Variants in RABGAP1L observed in about 807,000 individuals in gnomAD.
The protein encoded by RABGAP1L is rab GTPase-activating protein 1-like.
A neutral mutation model predicts 137.7 loss-of-function variants in RABGAP1L; 63 were observed. That is an observed-to-expected ratio of 0.46 (90% CI 0.37 to 0.56). The LOEUF (loss-of-function observed/expected upper bound fraction) is 0.56. Among genes scored for constraint, RABGAP1L ranks in the 20% least tolerant of loss-of-function variants. The probability of loss-of-function intolerance (pLI) is 0.00; values close to 1 mark genes in which losing one functional copy is unlikely to be tolerated. For missense variants in RABGAP1L, 1,095 were observed against 1,244.0 expected (o/e 0.88, Z 1.80); for synonymous variants, 431 against 433.7 (o/e 0.99, Z 0.08).
chr1:174,268,712 AAG>A (rs1420365925), intron 7 of RABGAP1L, among the ~76,000 whole-genome samples: 1 of 152,132 alleles, frequency 6.6e-6, no homozygotes, highest in Non-Finnish European at 1.5e-5. Context: ...TCCTGCAGTT[AAG>A]TCTAAAGCCG....
intron 13 of RABGAP1L, among the ~76,000 whole-genome samples, chr1:174,578,383 AC>A (rs1668519429): frequency 1.3e-5 from 2 of 152,066 alleles, no homozygotes; most frequent in Admixed American, 1.3e-4. Flanking sequence ...AGGAGATCTC[AC>A]TATTTTGCCC....
intron 13 of RABGAP1L, among the ~76,000 whole-genome samples, chr1:174,542,470 T>C (rs1665554937): frequency 2.6e-5 from 4 of 152,206 alleles, no homozygotes; most frequent in Admixed American, 2.0e-4. Context: ...TGCATCTATT[T>C]GATTCTTCTC....
chr1:174,388,598 G>A (rs1348455783), intron 12 of RABGAP1L, among the ~76,000 whole-genome samples: 3 of 151,968 alleles, frequency 2.0e-5, no homozygotes, highest in East Asian at 3.8e-4. Flanking sequence ...GAATGGTAAT[G>A]CTGATGATTT....
At chr1:174,558,861 G>A (rs1232612698) in intron 13 of RABGAP1L, among the ~76,000 whole-genome samples, 1 of 152,118 alleles carries the variant, frequency 6.6e-6, no homozygotes, top group African/African-American at 2.4e-5. Context: ...CAGTCATTAT[G>A]AATCTTGCAT....
chr1:174,957,432 C>A, intron 19 of RABGAP1L, 25 bp from the exon 20 acceptor site: 1 of 1,570,814 alleles, frequency 6.4e-7, no homozygotes, highest in Non-Finnish European at 8.8e-7. Flanking sequence ...CCTTGTCTAA[C>A]ATGGTTTTCC....
intron 19 of RABGAP1L, among the ~76,000 whole-genome samples, chr1:174,937,062 C>T (rs1373793210): frequency 1.4e-5 from 2 of 144,818 alleles, no homozygotes; most frequent in Non-Finnish European, 3.0e-5. Flanking sequence ...TCACTGCAAC[C>T]TCCACCTCTG....
chr1:174,886,850 T>C (rs1430844185), intron 19 of RABGAP1L, among the ~76,000 whole-genome samples: 5 of 152,012 alleles, frequency 3.3e-5, no homozygotes, highest in Non-Finnish European at 7.4e-5. Context: ...GGTCTCATTC[T>C]GTCTGGCGTG....
At chr1:174,985,996 T>C (rs545164205) in intron 24 of RABGAP1L, among the ~76,000 whole-genome samples, 5 of 152,078 alleles carry the variant, frequency 3.3e-5, no homozygotes, top group African/African-American at 4.8e-5. Flanking sequence ...TGGAGTGCAA[T>C]GGCACAATCT....
chr1:174,610,869 G>C (rs1671179272), intron 13 of RABGAP1L, among the ~76,000 whole-genome samples: 1 of 152,086 alleles, frequency 6.6e-6, no homozygotes, highest in South Asian at 2.1e-4. Flanking sequence ...AGAAGTGTCT[G>C]TTCATGTCCT....
At chr1:174,890,400 A>G (rs998166606) in intron 19 of RABGAP1L, among the ~76,000 whole-genome samples, 2 of 152,108 alleles carry the variant, frequency 1.3e-5, no homozygotes, top group African/African-American at 4.8e-5. Flanking sequence ...CTCTCTCCCT[A>G]CCATAGTACC....
chr1:174,668,358 T>C (rs1460408303), intron 14 of RABGAP1L, among the ~76,000 whole-genome samples: 1 of 152,144 alleles, frequency 6.6e-6, no homozygotes, highest in Non-Finnish European at 1.5e-5. Context: ...TAAGATCATG[T>C]GGTATTTGTT....
chr1:174,448,323 T>C lies in RABGAP1L; in HGVS notation c.1710+54178T>C, dbSNP rs780234410. 1.2e-6 allele frequency: 2 copies of C among 1,613,702 alleles called. No individual in the cohort carries two copies. The highest frequency in any genetic ancestry group is 2.2e-5 in the South Asian group (2 of 91,074). ...TTTGTCTTTCATTGTGCTCCACTGT[T>C]ACATCATTATACTACCAGCTATTTC... On this transcript the variant is annotated intron_variant, in intron 13 of 25. Transcript: ENST00000681986. The surrounding 1 kb of genome is among the most constrained non-coding windows in gnomAD (Gnocchi z 4.2).
chr1:174,203,483 C>T lies in RABGAP1L; in HGVS notation c.-33-15642C>T, dbSNP rs562597000. On this transcript the variant is annotated intron_variant, in intron 1 of 25. Transcript: ENST00000681986. ...TGGTCTATGTGCCTGTTTTTGTACC[C>T]GTACCATGCTGTTTTGGTTACTGTA... 2.4e-4 allele frequency among the ~76,000 whole-genome samples: 37 copies of T among 152,178 alleles called. 1 individual carries two copies. Among genetic ancestry groups the T allele is most frequent in the Admixed American group, 1.1e-3 (17 of 15,282 alleles).
chr1:174,662,102 CTTTTTTTTTT>C (rs749496325), intron 14 of RABGAP1L, among the ~76,000 whole-genome samples: 3 of 90,272 alleles, frequency 3.3e-5, no homozygotes, highest in Non-Finnish European at 6.0e-5. Context: ...CTTTTCTTTT[CTTTTTTTTTT>C]TTTTTTTTTG....
chr1:174,319,653 A>C (rs1679759138), intron 11 of RABGAP1L, among the ~76,000 whole-genome samples: 1 of 152,206 alleles, frequency 6.6e-6, no homozygotes, highest in South Asian at 2.1e-4. Flanking sequence ...CTAGTTTCTT[A>C]CTATTAACAT....
At chr1:174,527,507 A>G (rs1192154776) in intron 13 of RABGAP1L, among the ~76,000 whole-genome samples, 2 of 152,076 alleles carry the variant, frequency 1.3e-5, no homozygotes. Flanking sequence ...TGCCTGGCCT[A>G]TGATTTCTGT....
At chr1:174,895,592 C>A (rs1242653334) in intron 19 of RABGAP1L, among the ~76,000 whole-genome samples, 1 of 151,842 alleles carries the variant, frequency 6.6e-6, no homozygotes, top group Non-Finnish European at 1.5e-5. Flanking sequence ...TCCCTCCCCA[C>A]TCCCCCCACC....
chr1:174,342,359 C>A (rs1318933690), intron 11 of RABGAP1L, among the ~76,000 whole-genome samples: 1 of 151,970 alleles, frequency 6.6e-6, no homozygotes, highest in South Asian at 2.1e-4. Context: ...CTATTTTTCC[C>A]TAGTAAGTAT....
chr1:174,464,574 TA>T (rs1348507573), intron 13 of RABGAP1L, among the ~76,000 whole-genome samples: 1 of 152,228 alleles, frequency 6.6e-6, no homozygotes, highest in Non-Finnish European at 1.5e-5. Flanking sequence ...GTTGTTTTGT[TA>T]ATGTCATTAG....
Sources: allele counts gnomAD v4.1 joint callset (sites outside exome capture counted in the v4.1 genomes callset), GRCh38; gene constraint gnomAD v4.1.1; non-coding constraint Gnocchi (gnomAD v3.1); transcripts MANE v1.5; gene names NCBI Gene and HGNC (gene_info 2026-07-23, HGNC 2026-07-21).